PRKCH: variants seen among roughly 807,000 people sequenced by gnomAD.
The protein encoded by PRKCH is protein kinase C eta, also known as protein kinase C eta type.
PRKCH carries 28 observed loss-of-function variants against 82.5 expected under a neutral mutation model. The ratio of observed to expected loss-of-function variants is 0.34; its 90% CI spans 0.25 to 0.47. The LOEUF (loss-of-function observed/expected upper bound fraction) is 0.47, where lower values mean the gene tolerates loss of function less well. Among genes scored for constraint, PRKCH ranks in the 20% least tolerant of loss-of-function variants. The pLI is 1.00. For missense variants in PRKCH, 705 were observed against 881.8 expected, an observed-to-expected ratio of 0.80 and a Z score of 2.54; for synonymous variants, 322 against 327.4, an observed-to-expected ratio of 0.98 and a Z score of 0.18.
At chr14:61,454,836 A>G (rs1033735749) in intron 7 of PRKCH, among the ~76,000 whole-genome samples, 3 of 152,158 alleles carry the variant, frequency 2.0e-5, no homozygotes, top group Non-Finnish European at 2.9e-5. Flanking sequence ...GGAAATAGCC[A>G]TGTAAGATCT....
At chr14:61,548,349 G>A (rs2043285733) in intron 13 of PRKCH, among the ~76,000 whole-genome samples, 1 of 152,252 alleles carries the variant, frequency 6.6e-6, no homozygotes, top group Non-Finnish European at 1.5e-5. Context: ...GCCTGGGTCT[G>A]TAATAGCTGC....
intron 1 of PRKCH, among the ~76,000 whole-genome samples, chr14:61,227,645 T>A (rs1002678564): frequency 6.6e-6 from 1 of 152,114 alleles, no homozygotes; most frequent in African/African-American, 2.4e-5. Flanking sequence ...GAGGGTTAAA[T>A]GCGAACATTT....
chr14:61,542,901 T>C (rs1478695726), intron 12 of PRKCH, among the ~76,000 whole-genome samples: 1 of 152,242 alleles, frequency 6.6e-6, no homozygotes, highest in Non-Finnish European at 1.5e-5. Flanking sequence ...ATACTATCAT[T>C]TCTTGAGGGC....
At chr14:61,447,833 T>G (rs545469975) in intron 4 of PRKCH, among the ~76,000 whole-genome samples, 1 of 152,204 alleles carries the variant, frequency 6.6e-6, no homozygotes, top group African/African-American at 2.4e-5. Context: ...ATGCATACAG[T>G]AGGAAAGTAG....
intron 1 of PRKCH, among the ~76,000 whole-genome samples, chr14:61,387,178 T>A (rs1399762616): frequency 1.3e-5 from 2 of 152,218 alleles, no homozygotes; most frequent in Non-Finnish European, 2.9e-5. Context: ...CCTACTTGGA[T>A]TTTTGTGCTC....
intron 1 of PRKCH, among the ~76,000 whole-genome samples, chr14:61,367,320 A>G (rs1363800620): frequency 1.3e-5 from 2 of 151,578 alleles, no homozygotes; most frequent in Non-Finnish European, 2.9e-5. Flanking sequence ...GAAAACAAGT[A>G]TGAGATGATA....
intron 1 of PRKCH, among the ~76,000 whole-genome samples, chr14:61,196,305 A>G (rs2044442447): frequency 6.6e-6 from 1 of 152,172 alleles, no homozygotes; most frequent in African/African-American, 2.4e-5. Context: ...AAAGGTGGAA[A>G]TATGATTGCT....
At chr14:61,204,763 G>GAAAAAAA (rs67978354) in intron 1 of PRKCH, among the ~76,000 whole-genome samples, 2 of 106,184 alleles carry the variant, frequency 1.9e-5, no homozygotes, top group African/African-American at 6.7e-5. Flanking sequence ...CCTTTCTCAA[G>GAAAAAAA]AAAAAAAAAA....
intron 1 of PRKCH, among the ~76,000 whole-genome samples, chr14:61,385,840 T>G (rs1024528922): frequency 6.6e-6 from 1 of 152,216 alleles, no homozygotes; most frequent in African/African-American, 2.4e-5. Context: ...GCATAATGAC[T>G]ACAACATGAT....
At chr14:61,508,955 T>G (rs1432740490) in intron 10 of PRKCH, among the ~76,000 whole-genome samples, 1 of 152,094 alleles carries the variant, frequency 6.6e-6, no homozygotes, top group Non-Finnish European at 1.5e-5. Context: ...TGCATCCCAT[T>G]TGTCCTCATT....
At chr14:61,344,900 C>A (rs370518152) in intron 1 of PRKCH, among the ~76,000 whole-genome samples, 2 of 152,032 alleles carry the variant, frequency 1.3e-5, no homozygotes, top group African/African-American at 4.8e-5. Flanking sequence ...CACCCTGAAC[C>A]CCCCAGTTGA....
At chr14:61,220,081 G>A (rs1200135364) in intron 1 of PRKCH, among the ~76,000 whole-genome samples, 4 of 152,118 alleles carry the variant, frequency 2.6e-5, no homozygotes, top group Admixed American at 6.5e-5. Context: ...CACAGTACTG[G>A]AGAAGCCCTG....
chr14:61,317,695 C>T (rs998828223), upstream of PRKCH, among the ~76,000 whole-genome samples: 2 of 152,102 alleles, frequency 1.3e-5, no homozygotes, highest in African/African-American at 4.8e-5. Context: ...CCACATCTTC[C>T]TGGCTACTGC....
intron 5 of PRKCH, among the ~76,000 whole-genome samples, chr14:61,450,436 T>C (rs1171354943): frequency 6.6e-6 from 1 of 152,176 alleles, no homozygotes; most frequent in African/African-American, 2.4e-5. Flanking sequence ...CGTGACACAA[T>C]GTCTGGAAGA....
At chr14:61,371,985 T>A (rs2046369142) in intron 1 of PRKCH, among the ~76,000 whole-genome samples, 1 of 152,096 alleles carries the variant, frequency 6.6e-6, no homozygotes, top group South Asian at 2.1e-4. Flanking sequence ...ATGATTGTGC[T>A]CCTCAAATTG....
chr14:61,349,284 C>T (rs2046039449), intron 1 of PRKCH, among the ~76,000 whole-genome samples: 1 of 152,184 alleles, frequency 6.6e-6, no homozygotes, highest in African/African-American at 2.4e-5. Flanking sequence ...TGCTCCCTAC[C>T]TCACATTTAT....
intron 1 of PRKCH, among the ~76,000 whole-genome samples, chr14:61,330,102 A>C (rs1247819768): frequency 3.3e-5 from 5 of 152,188 alleles, no homozygotes; most frequent in Non-Finnish European, 5.9e-5. Context: ...TTGTAATTCC[A>C]AGGGGGAGGG....
chr14:61,514,181 T>C (rs1041296020), intron 10 of PRKCH, among the ~76,000 whole-genome samples: 1 of 152,038 alleles, frequency 6.6e-6, no homozygotes, highest in Non-Finnish European at 1.5e-5. Flanking sequence ...CCAACCTGGC[T>C]GACCCGTCTG....
intron 9 of PRKCH, among the ~76,000 whole-genome samples, chr14:61,466,311 G>C (rs768912790): frequency 6.6e-6 from 1 of 152,188 alleles, no homozygotes; most frequent in African/African-American, 2.4e-5. Flanking sequence ...ATACGGCCTA[G>C]TACATGCTGT....
Sources: gnomAD v4.1 joint callset for allele counts (sites outside exome capture counted in the v4.1 genomes callset) on GRCh38, gnomAD v4.1.1 for gene constraint, MANE v1.5 for transcripts, NCBI Gene and HGNC (gene_info 2026-07-23, HGNC 2026-07-21) for gene names.